Variants in PDE4D observed in about 807,000 individuals in gnomAD.
The protein encoded by PDE4D is phosphodiesterase 4D.
PDE4D carries 24 observed loss-of-function variants against 87.4 expected under a neutral mutation model. The observed-to-expected ratio is 0.27, with a 90% CI of 0.20 to 0.39. The LOEUF (loss-of-function observed/expected upper bound fraction) is 0.39, where lower values mean the gene tolerates loss of function less well. PDE4D is among the 10% of genes least tolerant of loss of function. The probability of loss-of-function intolerance (pLI) is 1.00; values close to 1 mark genes in which losing one functional copy is unlikely to be tolerated. For synonymous variants in PDE4D, 384 were observed against 383.2 expected, an observed-to-expected ratio of 1.00 and a Z score of -0.02; for missense variants, 714 against 1,041.0, an observed-to-expected ratio of 0.69 and a Z score of 4.32.
intron 2 of PDE4D, among the ~76,000 whole-genome samples, chr5:60,045,989 A>G (rs1298485625): frequency 6.6e-6 from 1 of 152,024 alleles, no homozygotes; most frequent in Non-Finnish European, 1.5e-5. Context: ...GATTCTTCCT[A>G]CCCATGAGCA....
At chr5:60,198,667 G>A (rs1214598261) in intron 1 of PDE4D, among the ~76,000 whole-genome samples, 3 of 151,596 alleles carry the variant, frequency 2.0e-5, no homozygotes, top group Non-Finnish European at 1.5e-5. Flanking sequence ...CCCCTGATAT[G>A]TCTTTAACAC....
chr5:58,981,089 A>T (rs1019768144), intron 11 of PDE4D, among the ~76,000 whole-genome samples: 1 of 152,164 alleles, frequency 6.6e-6, no homozygotes, highest in Non-Finnish European at 1.5e-5. Flanking sequence ...TTCTTTAATC[A>T]GTCTACCAAT....
At chr5:60,096,137 C>T (rs1010496690) in intron 2 of PDE4D, among the ~76,000 whole-genome samples, 6 of 152,032 alleles carry the variant, frequency 3.9e-5, no homozygotes, top group African/African-American at 1.4e-4. Flanking sequence ...GTTGCCATTG[C>T]TTTTGGTGTT....
intron 3 of PDE4D, among the ~76,000 whole-genome samples, chr5:59,918,039 T>A (rs923030951): frequency 2.6e-5 from 4 of 151,794 alleles, no homozygotes; most frequent in African/African-American, 4.8e-5. Flanking sequence ...CTATACACAA[T>A]CAATTACACA....
At chr5:59,433,559 C>A (rs1373758640) in intron 1 of PDE4D, among the ~76,000 whole-genome samples, 2 of 151,960 alleles carry the variant, frequency 1.3e-5, no homozygotes, top group Non-Finnish European at 2.9e-5. Context: ...AAAATAAGAA[C>A]ACATTGGAGA....
At chr5:59,120,183 G>T (rs1201139800) in intron 5 of PDE4D, among the ~76,000 whole-genome samples, 1 of 152,114 alleles carries the variant, frequency 6.6e-6, no homozygotes, top group East Asian at 1.9e-4. Context: ...GGTTAAAAAT[G>T]CAAATTGAAA....
chr5:59,160,007 A>T (rs1780810536), intron 5 of PDE4D, among the ~76,000 whole-genome samples: 1 of 152,214 alleles, frequency 6.6e-6, no homozygotes, highest in African/African-American at 2.4e-5. Flanking sequence ...GGAAGTACAA[A>T]AGCAGATGTT....
intron 1 of PDE4D, among the ~76,000 whole-genome samples, chr5:59,332,561 C>A (rs976382805): frequency 6.6e-6 from 1 of 152,204 alleles, no homozygotes; most frequent in Non-Finnish European, 1.5e-5. Context: ...GACACCTTAA[C>A]AAATTGACAT....
At chr5:60,324,673 A>G (rs1756615973) in intron 1 of PDE4D, among the ~76,000 whole-genome samples, 1 of 152,210 alleles carries the variant, frequency 6.6e-6, no homozygotes, top group Admixed American at 6.5e-5. Flanking sequence ...AGAGAGGCTA[A>G]CTGTGTAGAC....
In PDE4D at chr5:59,793,063, G is replaced by A. The variant is rs182825403; in HGVS notation, c.455+100105C>T. On this transcript the variant is annotated intron_variant, in intron 1 of 14. Transcript: ENST00000340635. Reference sequence around the variant, plus strand: ...GGCAAGACAGTCAAATGGAATGTCCGATAGGTAGGAAATCAGAGCAAGACT... The same window carrying A: ...GGCAAGACAGTCAAATGGAATGTCCAATAGGTAGGAAATCAGAGCAAGACT... 1.2e-3 allele frequency among the ~76,000 whole-genome samples: 189 copies of A among 152,280 alleles called. 1 individual carries two copies. Among genetic ancestry groups the A allele is most frequent in the African/African-American group, 4.1e-3 (171 of 41,558 alleles).
In PDE4D at chr5:59,793,870, T is replaced by TG. The variant is rs1766114488; in HGVS notation, c.455+99297_455+99298insC. 2.0e-5 allele frequency among the ~76,000 whole-genome samples: 3 copies of TG among 152,304 alleles called. No homozygotes were observed. The East Asian group carries it at 5.8e-4, about 29-fold the overall frequency. ...CAGAGAGCAATTGCATTTTTAAGTG[T>TG]TACTACTTAGGTATAAATGGTGATC... On this transcript the variant is annotated intron_variant, in intron 1 of 14. Coordinates refer to ENST00000340635, the MANE Select transcript of PDE4D (RefSeq NM_001104631.2).
At chr5:59,953,988 C>T (rs766420580) in intron 3 of PDE4D, among the ~76,000 whole-genome samples, 26 of 152,256 alleles carry the variant, frequency 1.7e-4, no homozygotes, top group Admixed American at 3.3e-4. Flanking sequence ...TGCGATGGCA[C>T]GATCTCAGCT....
At chr5:59,642,651 T>C (rs1166935401) in intron 1 of PDE4D, among the ~76,000 whole-genome samples, 2 of 152,208 alleles carry the variant, frequency 1.3e-5, no homozygotes, top group African/African-American at 2.4e-5. Flanking sequence ...TCCCCGGCCA[T>C]GTGGAACTGT....
chr5:60,283,028 A>AT (rs1562286302), intron 1 of PDE4D, among the ~76,000 whole-genome samples: 1 of 152,082 alleles, frequency 6.6e-6, no homozygotes, highest in African/African-American at 2.4e-5. Flanking sequence ...TGATGCAGTT[A>AT]TTTGATTGTT....
chr5:59,154,244 G>A (rs913252047), intron 5 of PDE4D, among the ~76,000 whole-genome samples: 1 of 152,134 alleles, frequency 6.6e-6, no homozygotes, highest in Non-Finnish European at 1.5e-5. Flanking sequence ...AACAGAGATC[G>A]ACCATTTAAG....
chr5:59,507,806 T>C (rs1474244641), intron 1 of PDE4D, among the ~76,000 whole-genome samples: 2 of 151,826 alleles, frequency 1.3e-5, no homozygotes, highest in South Asian at 2.1e-4. Flanking sequence ...ATCACAATAG[T>C]AGTTACTCTG....
chr5:59,556,613 T>C (rs901363235), intron 1 of PDE4D, among the ~76,000 whole-genome samples: 2 of 152,212 alleles, frequency 1.3e-5, no homozygotes, highest in African/African-American at 4.8e-5. Flanking sequence ...ATGGATGTTG[T>C]GTTCTTCTCG....
intron 1 of PDE4D, among the ~76,000 whole-genome samples, chr5:59,248,752 AAATTTT>A (rs1759363914): frequency 2.0e-5 from 3 of 152,166 alleles, no homozygotes; most frequent in African/African-American, 7.2e-5. Flanking sequence ...ATGATACATA[AAATTTT>A]ATCTGTGACA....
intron 1 of PDE4D, chr5:59,768,596 G>A: frequency 6.4e-7 from 1 of 1,559,098 alleles, no homozygotes; most frequent in South Asian, 1.2e-5. Flanking sequence ...AGGGAAGCAG[G>A]TCTGAGCCTG....
Sources: gnomAD v4.1 joint callset for allele counts (sites outside exome capture counted in the v4.1 genomes callset) on GRCh38, gnomAD v4.1.1 for gene constraint, MANE v1.5 for transcripts, NCBI Gene and HGNC (gene_info 2026-07-23, HGNC 2026-07-21) for gene names.